INVS: variants seen among roughly 807,000 people sequenced by gnomAD.
INVS encodes inversion of embryo turning homolog.
In INVS, 86 loss-of-function variants were observed where a neutral mutation model predicts 108.8. That is an observed-to-expected ratio of 0.79 (90% confidence interval 0.66 to 0.95). The LOEUF (loss-of-function observed/expected upper bound fraction) is 0.95, where lower values mean the gene tolerates loss of function less well. INVS is among the 40% of genes least tolerant of loss of function. The pLI is 0.00. For synonymous variants in INVS, 455 were observed against 473.5 expected (o/e 0.96, Z 0.51); for missense variants, 1,169 against 1,297.4 (o/e 0.90, Z 1.52).
At chr9:100,288,624 CT>C (rs559798430) in intron 13 of INVS, among the ~76,000 whole-genome samples, 689 of 142,358 alleles carry the variant, frequency 4.8e-3, no homozygotes, top group Middle Eastern at 0.021. Flanking sequence ...TACAACCATA[CT>C]TTTTTTTTTT....
intron 1 of INVS, among the ~76,000 whole-genome samples, chr9:100,104,094 CAGAT>C (rs1332390537): frequency 1.3e-5 from 2 of 152,272 alleles, no homozygotes; most frequent in South Asian, 2.1e-4. Context: ...GTTTTTTCCT[CAGAT>C]AGTCCCTAAG....
At position 100,226,063 on chromosome 9, in the gene INVS, G is replaced by T; in HGVS notation, c.275G>T (p.Gly92Val). The part of the protein sequence containing the change: ...RTALHLAAQK[G>V]NYRFMKLLLT... ...TATCATCTCTTGTTTTTTATTTAGG[G>T]AAATTATCGTTTCATGAAACTCTTA... Residue 92 changes from glycine (G) to valine (V), a missense_variant and splice_region_variant, in exon 4 of 17, where the codon GGA becomes GTA. Coordinates refer to ENST00000262457, the MANE Select transcript of INVS (RefSeq NM_014425.5). 1 of 1,609,476 alleles carries T rather than the reference G, an allele frequency of 6.2e-7. No individual in the cohort carries two copies. The highest frequency in any genetic ancestry group is 1.7e-5 in the Admixed American group (1 of 59,552).
chr9:100,105,787 C>T (rs547442496), intron 2 of INVS, among the ~76,000 whole-genome samples: 41 of 151,296 alleles, frequency 2.7e-4, no homozygotes, highest in South Asian at 4.2e-4. Flanking sequence ...CTGTCTTTTC[C>T]TTCCTCACTA....
At chr9:100,117,771 C>A (rs960549541) in intron 2 of INVS, 2 of 500,426 alleles carry the variant, frequency 4.0e-6, no homozygotes, top group Non-Finnish European at 7.0e-6. Context: ...CTCCAAAATT[C>A]ATATGTTTGA....
chr9:100,150,359 T>C (rs1256815872), intron 3 of INVS, among the ~76,000 whole-genome samples: 1 of 152,002 alleles, frequency 6.6e-6, no homozygotes, highest in Non-Finnish European at 1.5e-5. Context: ...CATGAATAGA[T>C]CAGAGATCTC....
At chr9:100,150,639 A>C (rs1828779755) in intron 3 of INVS, among the ~76,000 whole-genome samples, 1 of 152,162 alleles carries the variant, frequency 6.6e-6, no homozygotes, top group Non-Finnish European at 1.5e-5. Flanking sequence ...ACCTTATGTC[A>C]TAGGGCCATT....
intron 2 of INVS, among the ~76,000 whole-genome samples, chr9:100,112,073 G>C (rs1827353838): frequency 6.6e-6 from 1 of 152,086 alleles, no homozygotes; most frequent in South Asian, 2.1e-4. Context: ...CCGGGTTCAA[G>C]TGATTCTCCT....
chr9:100,258,759 G>A (rs778473731), intron 10 of INVS, among the ~76,000 whole-genome samples: 28 of 152,154 alleles, frequency 1.8e-4, no homozygotes, highest in East Asian at 3.8e-4. Context: ...AAATGTTGCC[G>A]CCTGATCCTT....
intron 3 of INVS, among the ~76,000 whole-genome samples, chr9:100,207,179 C>A (rs539637282): frequency 2.6e-5 from 4 of 152,150 alleles, no homozygotes; most frequent in South Asian, 2.1e-4. Context: ...ATCCTGGAAC[C>A]GTCCAACCCA....
rs931945789 is a variant in INVS at position 100,272,964 on chromosome 9, G to A, written c.1672G>A (p.Ala558Thr). 5.0e-6 allele frequency: 8 copies of A among 1,614,018 alleles called. No homozygotes were observed. The highest frequency in any genetic ancestry group is 4.5e-5 in the East Asian group (2 of 44,870). ...ALSIAAIQDIAAFKIQAVYKG... is the reference protein window; with the variant it reads ...ALSIAAIQDITAFKIQAVYKG... ...GTCCATCGCAGCCATACAAGACATC[G>A]CCGCCTTCAAAATCCAAGCTGTCTA... The change falls in exon 12 of 17, where the codon GCC becomes ACC. Residue 558 changes from alanine (A) to threonine (T), a missense_variant. By Grantham distance (58) the Ala-to-Thr change is moderately conservative. Coordinates refer to ENST00000262457, the MANE Select transcript of INVS (RefSeq NM_014425.5).
chr9:100,103,455 C>T (rs966756986), intron 1 of INVS, among the ~76,000 whole-genome samples: 5 of 151,856 alleles, frequency 3.3e-5, no homozygotes, highest in South Asian at 2.1e-4. Flanking sequence ...GGTGAAACCC[C>T]GTCGCTACTA....
At chr9:100,177,146 T>C (rs1465576094) in intron 3 of INVS, among the ~76,000 whole-genome samples, 1 of 152,138 alleles carries the variant, frequency 6.6e-6, no homozygotes, top group Non-Finnish European at 1.5e-5. Context: ...GGAGATTCCC[T>C]TGGGTGCCTA....
At chr9:100,257,358 T>G (rs1339009686) in intron 10 of INVS, among the ~76,000 whole-genome samples, 2 of 152,220 alleles carry the variant, frequency 1.3e-5, no homozygotes, top group African/African-American at 4.8e-5. Context: ...CTTGACTGTA[T>G]CCAATTTGCC....
At chr9:100,224,639 T>G (rs1333891349) in intron 3 of INVS, among the ~76,000 whole-genome samples, 1 of 151,890 alleles carries the variant, frequency 6.6e-6, no homozygotes, top group Non-Finnish European at 1.5e-5. Context: ...TTTTTTGAAA[T>G]GGAGTCCGGC....
At chr9:100,299,897 A>G (rs1011312866) in intron 16 of INVS, among the ~76,000 whole-genome samples, 17 of 152,226 alleles carry the variant, frequency 1.1e-4, no homozygotes, top group Non-Finnish European at 2.5e-4. Flanking sequence ...TGTGGAAGTT[A>G]TAAAACCAAG....
chr9:100,142,331 G>C (rs1448819616), intron 3 of INVS, among the ~76,000 whole-genome samples: 2 of 152,214 alleles, frequency 1.3e-5, no homozygotes, highest in Non-Finnish European at 2.9e-5. Flanking sequence ...GGCTTGCTGA[G>C]AGGTAGTGGA....
At chr9:100,140,148 T>G (rs1054126096) in intron 3 of INVS, among the ~76,000 whole-genome samples, 9 of 152,198 alleles carry the variant, frequency 5.9e-5, no homozygotes, top group Non-Finnish European at 8.8e-5. Context: ...TTATAGATAT[T>G]TCATGTAAAA....
rs141830592 is a variant in INVS at position 100,143,002 on chromosome 9, G to A, written c.273+16453G>A. On this transcript the variant is annotated intron_variant, in intron 3 of 16. Transcript: ENST00000262457. ...TTTTATGAGAATTATGCTGAGATAG[G>A]TAACAGATGAGGAAGAAATTTGGGC... Among the ~76,000 whole-genome samples the A allele has an allele frequency of 4.4e-3, 671 of 152,280 alleles. 4 individuals carry two copies. The highest frequency in any genetic ancestry group is 0.015 in the African/African-American group (644 of 41,560).
chr9:100,130,966 G>C (rs1003988419), intron 3 of INVS: 1 of 152,116 alleles, frequency 6.6e-6, no homozygotes, highest in African/African-American at 2.4e-5. Context: ...GACATGAGAA[G>C]ACCAAACATT....
Sources: allele counts gnomAD v4.1 joint callset (sites outside exome capture counted in the v4.1 genomes callset), GRCh38; gene constraint gnomAD v4.1.1; transcripts MANE v1.5; gene names NCBI Gene and HGNC (gene_info 2026-07-23, HGNC 2026-07-21).